SLC27A4: variants seen among roughly 807,000 people sequenced by gnomAD.
The protein encoded by SLC27A4 is solute carrier family 27 member 4.
Under a neutral mutation model 64.4 loss-of-function variants are expected in SLC27A4, and 33 were observed. That is an observed-to-expected ratio of 0.51 (90% CI 0.39 to 0.68). The LOEUF (loss-of-function observed/expected upper bound fraction) is 0.68. Ranked by LOEUF, SLC27A4 falls within the 30% of genes least tolerant of loss-of-function variation. The pLI is 0.00. For synonymous variants in SLC27A4, 377 were observed against 370.0 expected (o/e 1.02, Z -0.22); for missense variants, 824 against 883.5 (o/e 0.93, Z 0.85).
At chr9:128,346,149 C>T (rs1383030202) in intron 3 of SLC27A4, among the ~76,000 whole-genome samples, 1 of 152,186 alleles carries the variant, frequency 6.6e-6, no homozygotes, top group East Asian at 1.9e-4. Flanking sequence ...GATCCACCTA[C>T]CTCTGCCTCT....
chr9:128,356,237 G>A (rs1435496756), intron 12 of SLC27A4, among the ~76,000 whole-genome samples: 1 of 152,212 alleles, frequency 6.6e-6, no homozygotes. Context: ...TCTGAGGAGG[G>A]GATGGTTCAG....
At position 128,345,501 on chromosome 9, in the gene SLC27A4, A is replaced by G. The variant is rs1191312734; in HGVS notation, c.508A>G (p.Thr170Ala). 2 of 1,611,234 alleles carry G rather than the reference A, an allele frequency of 1.2e-6. No homozygotes were observed. The highest frequency in any genetic ancestry group is 1.1e-5 in the South Asian group (1 of 90,870). The part of the protein sequence containing the change: ...LRRDALLHCL[T>A]TSRARALVFG... ...GCGGGATGCTCTGCTCCACTGCCTC[A>G]CCACCTCGCGCGCACGGGCCCTTGT... The change falls in exon 3 of 13, where the codon ACC becomes GCC. Residue 170 changes from threonine to alanine, a missense_variant. Thr to Ala is a moderately conservative substitution (Grantham distance 58). Coordinates refer to ENST00000300456, the MANE Select transcript of SLC27A4 (RefSeq NM_005094.4). This position sits in a 1 kb window ranked among gnomAD's most constrained non-coding sequence, Gnocchi z 4.1.
At position 128,353,661 on chromosome 9, in the gene SLC27A4, A is replaced by G. The variant is rs376967176; in HGVS notation, c.1324+120A>G. 4.2e-5 allele frequency: 42 copies of G among 1,000,470 alleles called. No homozygotes were observed. In the East Asian group the frequency reaches 9.6e-4, roughly 23 times the overall value. The allele number at this position is 1,000,470 out of a possible 1,614,324, so 62.0% of individuals were successfully genotyped here. A position where few individuals can be genotyped will look rare whatever the true frequency, so the allele number is the denominator to read the frequency against. On this transcript the variant is annotated intron_variant, in intron 9 of 12. Transcript: ENST00000300456. The surrounding 1 kb of genome is among the most constrained non-coding windows in gnomAD (Gnocchi z 4.9). ...ATCAGTTATCTCTGCTCTTAGGGTT[A>G]CAAGTTACTCATTTATTTGTGTATC...
chr9:128,355,279 C>A, intron 10 of SLC27A4, 89 bp downstream of exon 10: 1 of 1,588,432 alleles, frequency 6.3e-7, no homozygotes, highest in South Asian at 1.1e-5. Context: ...TCCCAGGACT[C>A]CCCCAGTCCT....
chr9:128,359,930 T>C (rs898517176), intron 12 of SLC27A4, among the ~76,000 whole-genome samples: 1 of 152,124 alleles, frequency 6.6e-6, no homozygotes, highest in Non-Finnish European at 1.5e-5. Flanking sequence ...GAGAATACGG[T>C]TGAGCACCTG....
Position 128,345,042 on chromosome 9 carries a change from A to C in SLC27A4, c.162-113A>C. On this transcript the variant is annotated intron_variant, in intron 2 of 12. Transcript: ENST00000300456. This position sits in a 1 kb window ranked among gnomAD's most constrained non-coding sequence, Gnocchi z 4.1. The stretch of plus-strand genomic sequence containing the variant: ...AGGAGCCAGGAGATAGAAGTGTTGT[A>C]GGGGGTCTGGCTCATGAAGCATAGG... The C allele has an allele frequency of 7.8e-7, 1 of 1,278,730 alleles. No homozygotes were observed. The highest frequency in any genetic ancestry group is 1.1e-6 in the Non-Finnish European group (1 of 902,274). The allele number at this position is 1,278,730 out of a possible 1,614,324, so 79.2% of individuals were successfully genotyped here.
At chr9:128,357,261 CAAAAAAAA>C (rs1007585471) in intron 12 of SLC27A4, among the ~76,000 whole-genome samples, 8 of 50,960 alleles carry the variant, frequency 1.6e-4, no homozygotes, top group Admixed American at 4.1e-4. Flanking sequence ...GACTCTGTCT[CAAAAAAAA>C]AAAAAAAAAA....
chr9:128,360,683 T>C lies in SLC27A4; in HGVS notation c.*192T>C, dbSNP rs749788449. On this transcript the variant is annotated 3_prime_UTR_variant, in exon 13 of 13. Coordinates refer to ENST00000300456, the MANE Select transcript of SLC27A4 (RefSeq NM_005094.4). Reference sequence around the variant, plus strand: ...CCCTTCCAGAGGCTTTCTGTGAAAGTCTCATGTCCAAGTTCCGTCTTCTGG... The same window carrying C: ...CCCTTCCAGAGGCTTTCTGTGAAAGCCTCATGTCCAAGTTCCGTCTTCTGG... 9 of 617,114 alleles carry C rather than the reference T, an allele frequency of 1.5e-5. No homozygotes were observed. The highest frequency in any genetic ancestry group is 2.3e-5 in the Non-Finnish European group (8 of 352,576). 38.2% of individuals were successfully genotyped at this position (617,114 alleles called of 1,614,324 possible).
intron 1 of SLC27A4, chr9:128,342,030 G>T: frequency 1.9e-6 from 1 of 521,098 alleles, no homozygotes; most frequent in Admixed American, 3.2e-5. Context: ...AGCCACCACT[G>T]CCAGCGAGCC....
chr9:128,343,356 A>C (rs1480465482), intron 2 of SLC27A4, 63 bp downstream of exon 2: 7 of 1,595,212 alleles, frequency 4.4e-6, no homozygotes, highest in South Asian at 1.1e-5. Context: ...TGGTCCCCCA[A>C]ATCTCCCCAG....
chr9:128,349,714 A>G (rs541090009), intron 4 of SLC27A4, among the ~76,000 whole-genome samples: 1 of 152,320 alleles, frequency 6.6e-6, no homozygotes, highest in South Asian at 2.1e-4. Context: ...CCTGACCTCC[A>G]GGGAACCTCA....
In SLC27A4 at chr9:128,360,549, C is replaced by T; in HGVS notation, c.*58C>T. ...TGGATCCGGAGCCCCAGGTTCCGCC[C>T]CAGAGCGGTCCTGGACAAGGCCAGA... On this transcript the variant is annotated 3_prime_UTR_variant, in exon 13 of 13. Transcript: ENST00000300456. The T allele has an allele frequency of 6.3e-7, 1 of 1,591,206 alleles. No individual in the cohort carries two copies. Among genetic ancestry groups the T allele is most frequent in the South Asian group, 1.1e-5 (1 of 90,146 alleles).
intron 12 of SLC27A4, among the ~76,000 whole-genome samples, chr9:128,359,620 G>T (rs1460431636): frequency 6.6e-6 from 1 of 151,912 alleles, no homozygotes; most frequent in African/African-American, 2.4e-5. Context: ...GCAGGACTCC[G>T]TCTCCAATAA....
At chr9:128,357,288 C>T (rs1456024113) in intron 12 of SLC27A4, among the ~76,000 whole-genome samples, 7 of 147,218 alleles carry the variant, frequency 4.8e-5, no homozygotes, top group South Asian at 2.2e-4. Flanking sequence ...AAAAATTAGC[C>T]GGGCGTGGTG....
rs145398047 is a variant in SLC27A4 at position 128,345,972 on chromosome 9, C to T, written c.556+423C>T. Among the ~76,000 whole-genome samples, 1,084 of 152,140 alleles carry T rather than the reference C, an allele frequency of 7.1e-3. 7 individuals are homozygous for T. The highest frequency in any genetic ancestry group is 0.013 in the African/African-American group (525 of 41,492). On this transcript the variant is annotated intron_variant, in intron 3 of 12. Transcript: ENST00000300456. The surrounding 1 kb of genome is among the most constrained non-coding windows in gnomAD (Gnocchi z 4.1). ...CTGGAGTGCAGTGGTGCAGTCACAG[C>T]TCACTGCAGCCTTGACCTCTCAGGC...
intron 4 of SLC27A4, among the ~76,000 whole-genome samples, chr9:128,349,189 G>C (rs1485829969): frequency 1.3e-5 from 2 of 152,162 alleles, no homozygotes; most frequent in Non-Finnish European, 2.9e-5. Flanking sequence ...GCCTTCCTGA[G>C]CCTCTCACCC....
Position 128,348,551 on chromosome 9 carries a change from G to T in SLC27A4, c.563G>T (p.Cys188Phe). 6.2e-7 allele frequency: 1 copy of T among 1,613,126 alleles called. No homozygotes were observed. The highest frequency in any genetic ancestry group is 1.1e-5 in the South Asian group (1 of 91,088). ...CTGCCCTGTCTCCCCACAGCCATCT[G>T]TGAGGTCCATGCCAGCCTGGACCCC... ...VFGSEMASAI[C>F]EVHASLDPSL... Residue 188 changes from cysteine to phenylalanine, a missense_variant, in exon 4 of 13, where the codon TGT becomes TTT. Cys to Phe is a radical substitution (Grantham distance 205, BLOSUM62 -2). Transcript: ENST00000300456.
At position 128,353,978 on chromosome 9, in the gene SLC27A4, C is replaced by T. The variant is rs997161512; in HGVS notation, c.1324+437C>T. 9.0e-4 allele frequency among the ~76,000 whole-genome samples: 136 copies of T among 151,582 alleles called. 1 individual carries two copies. Among genetic ancestry groups the T allele is most frequent in the Middle Eastern group, 3.4e-3 (1 of 294 alleles). ...CGGGATGGTCTCGATCTCCTGACCT[C>T]GTGATCCGCCCGCCTCGGCCTCCCA... On this transcript the variant is annotated intron_variant, in intron 9 of 12. Transcript: ENST00000300456. The surrounding 1 kb of genome is among the most constrained non-coding windows in gnomAD (Gnocchi z 4.9).
At chr9:128,349,418 C>T (rs1043212386) in intron 4 of SLC27A4, among the ~76,000 whole-genome samples, 1 of 152,136 alleles carries the variant, frequency 6.6e-6, no homozygotes. Context: ...AGAACCTACT[C>T]TATGGGGTAT....
Sources: gnomAD v4.1 joint callset for allele counts (sites outside exome capture counted in the v4.1 genomes callset) on GRCh38, gnomAD v4.1.1 for gene constraint, Gnocchi (gnomAD v3.1) non-coding constraint, MANE v1.5 for transcripts, NCBI Gene and HGNC (gene_info 2026-07-23, HGNC 2026-07-21) for gene names.